The following ASB6 variants were observed in gnomAD, a reference collection of about 807,000 sequenced individuals.
ASB6 encodes ankyrin repeat and SOCS box protein 6.
Under a neutral mutation model 28.6 loss-of-function variants are expected in ASB6, and 24 were observed. That is an observed-to-expected ratio of 0.84 (90% CI 0.61 to 1.18). The LOEUF is 1.18. ASB6 is among the 50% of genes most tolerant of loss of function. ASB6 has a pLI of 0.00. For missense variants in ASB6, 519 were observed against 559.8 expected (o/e 0.93, Z 0.74); for synonymous variants, 267 against 243.4 (o/e 1.10, Z -0.90).
At chr9:129,638,512 G>A (rs1001318077) in intron 5 of ASB6, 55 bp from the exon 6 acceptor site, 63 of 1,608,848 alleles carry the variant, frequency 3.9e-5, no homozygotes, top group Non-Finnish European at 5.4e-5. Context: ...CCCTGGCAAA[G>A]CAACAGCACA....
chr9:129,639,637 T>C, intron 2 of ASB6, 129 bp from the exon 3 acceptor site: 1 of 813,682 alleles, frequency 1.2e-6, no homozygotes, highest in Non-Finnish European at 1.9e-6. Context: ...CCTGTCACCA[T>C]CAAGGGTTAG....
rs757735340 is a variant in ASB6 at position 129,639,274 on chromosome 9, C to A, written c.439G>T (p.Glu147Ter). 2 of 1,612,818 alleles carry A rather than the reference C, an allele frequency of 1.2e-6. No homozygotes were observed. The highest frequency in any genetic ancestry group is 2.7e-5 in the African/African-American group (2 of 74,926). Residue 147 changes from glutamate (E) to a stop codon, truncating the protein, a stop_gained, in exon 4 of 6, where the codon GAG becomes TAG. Transcript: ENST00000277458. LOFTEE classifies it high-confidence loss of function. ...ESSPLDLASE[E>*]PERLPCLQRL... is the part of the protein sequence containing the mutation. ...TGCAGGCAGGGCAGGCGCTCAGGCT[C>A]CTCGCTGGCCAGGTCCAAGGGGCTA...
chr9:129,637,377 C>T lies in ASB6; in HGVS notation c.*413G>A, dbSNP rs986978696. On this transcript the variant is annotated 3_prime_UTR_variant, in exon 6 of 6. Coordinates refer to ENST00000277458, the MANE Select transcript of ASB6 (RefSeq NM_017873.4). The stretch of plus-strand genomic sequence containing the variant: ...GGCAGGGGTGGGGCCTTGGTGGCAC[C>T]GCACAGGACGTGCCCCAGGCTTCCT... 2.3e-4 allele frequency: 36 copies of T among 159,964 alleles called. 1 individual carries two copies. In the Admixed American group the frequency reaches 2.3e-3, roughly 10 times the overall value. 9.9% of individuals were successfully genotyped at this position (159,964 alleles called of 1,614,324 possible).
Position 129,635,431 on chromosome 9 carries a change from G to A in ASB6, c.*2359C>T. The A allele has an allele frequency of 6.2e-7, 1 of 1,613,376 alleles. No homozygotes were observed. The highest frequency in any genetic ancestry group is 8.5e-7 in the Non-Finnish European group (1 of 1,180,016). ...AGAGGCAGGAGAACCTCCCCGATGAGATCTACCATGTCTATAGCTTTGCCC... is the reference window on the plus strand; with the variant it reads ...AGAGGCAGGAGAACCTCCCCGATGAAATCTACCATGTCTATAGCTTTGCCC... On this transcript the variant is annotated 3_prime_UTR_variant, in exon 6 of 6. Coordinates refer to ENST00000277458, the MANE Select transcript of ASB6 (RefSeq NM_017873.4).
In ASB6 at chr9:129,639,471, G is replaced by T. The variant is rs772570376; in HGVS notation, c.333C>A (p.Val111=). Residue 111 remains valine (V), a synonymous_variant, in exon 3 of 6, where the codon GTC becomes GTA. Transcript: ENST00000277458. ...CCACCATGTCCGGCTGGTTCCGCAG[G>T]ACGGCGATGTGCAAGGCCGTGTAGT... The part of the protein sequence containing the change: ...VTYYTALHIA[V]LRNQPDMVEL... 1 of 1,613,870 alleles carries T rather than the reference G, an allele frequency of 6.2e-7. No individual in the cohort carries two copies. Among genetic ancestry groups the T allele is most frequent in the South Asian group, 1.1e-5 (1 of 91,052 alleles).
In ASB6 at chr9:129,635,189, T is replaced by G. The variant is rs1831463487; in HGVS notation, c.*2601A>C. On this transcript the variant is annotated 3_prime_UTR_variant, in exon 6 of 6. Transcript: ENST00000277458. Reference sequence around the variant, plus strand: ...CCGCTTGCATGGTGCCCTGGTAACCTTGCCTCTGCCCTCCCCAGGCCACCT... The same window carrying G: ...CCGCTTGCATGGTGCCCTGGTAACCGTGCCTCTGCCCTCCCCAGGCCACCT... 6 of 1,598,136 alleles carry G rather than the reference T, an allele frequency of 3.8e-6. No homozygotes were observed. The highest frequency in any genetic ancestry group is 3.3e-5 in the Admixed American group (2 of 59,784).
intron 1 of ASB6, 171 bp from the exon 2 acceptor site, chr9:129,640,893 T>C: frequency 2.6e-6 from 2 of 756,494 alleles, no homozygotes; most frequent in South Asian, 3.5e-5. Flanking sequence ...CCACGCTGCA[T>C]CTCTTAATAC....
In ASB6 at chr9:129,637,841, C is replaced by G. The variant is rs1275588834; in HGVS notation, c.1215G>C (p.Leu405=). 1.3e-6 allele frequency: 2 copies of G among 1,525,590 alleles called. No homozygotes were observed. Among genetic ancestry groups the G allele is most frequent in the Non-Finnish European group, 1.8e-6 (2 of 1,137,332 alleles). The allele number at this position is 1,525,590 out of a possible 1,614,324, so 94.5% of individuals were successfully genotyped here. A position where few individuals can be genotyped will look rare whatever the true frequency, so the allele number is the denominator to read the frequency against. The change falls in exon 6 of 6, where the codon CTG becomes CTC. Residue 405 remains leucine, a synonymous_variant. Coordinates refer to ENST00000277458, the MANE Select transcript of ASB6 (RefSeq NM_017873.4). ...TGTGCTCGCTAAGGAGGTACCACTT[C>G]AGCCTGTCGGGCAGAGGCAGGGCTT... The part of the protein sequence containing the change: ...KVKALPLPDR[L]KWYLLSEHSG...
intron 2 of ASB6, among the ~76,000 whole-genome samples, chr9:129,639,859 G>T (rs929447189): frequency 1.3e-5 from 2 of 152,212 alleles, no homozygotes; most frequent in Non-Finnish European, 2.9e-5. Flanking sequence ...TCTCCAAGCT[G>T]GTCTCCAAGT....
rs1480666486 is a variant in ASB6, at chr9:129,635,015, C to A, written c.*2775G>T. On this transcript the variant is annotated 3_prime_UTR_variant, in exon 6 of 6. Transcript: ENST00000277458. The stretch of plus-strand genomic sequence containing the variant: ...CTTAATGTGTCTTTAGGTAGATGAC[C>A]TCTGAGCCACAGTTTCCTATTCTAT... 1.5e-6 allele frequency: 1 copy of A among 659,576 alleles called. No homozygotes were observed. The highest frequency in any genetic ancestry group is 1.8e-5 in the African/African-American group (1 of 55,130). 40.9% of individuals were successfully genotyped at this position (659,576 alleles called of 1,614,324 possible).
In ASB6 at chr9:129,637,753, G is replaced by A. The variant is rs1415729166; in HGVS notation, c.*37C>T. The A allele has an allele frequency of 6.8e-7, 1 of 1,480,650 alleles. No individual in the cohort carries two copies. Among genetic ancestry groups the A allele is most frequent in the Non-Finnish European group, 9.0e-7 (1 of 1,107,856 alleles). The allele number at this position is 1,480,650 out of a possible 1,614,324, so 91.7% of individuals were successfully genotyped here. On this transcript the variant is annotated 3_prime_UTR_variant, in exon 6 of 6. Coordinates refer to ENST00000277458, the MANE Select transcript of ASB6 (RefSeq NM_017873.4). ...AGCATCTACCAACAGGCTGACCTGA[G>A]CTGCCCGTGTCCCCCGTTCCTGTAG...
Position 129,639,522 on chromosome 9 carries a change from C to T in ASB6, c.296-14G>A, listed in dbSNP as rs749030928. The T allele has an allele frequency of 6.8e-6, 11 of 1,606,602 alleles. No homozygotes were observed. Among genetic ancestry groups the T allele is most frequent in the Non-Finnish European group, 8.5e-6 (10 of 1,174,876 alleles). On this transcript the variant is annotated splice_polypyrimidine_tract_variant and intron_variant, in intron 2 of 5. Transcript: ENST00000277458. ...AGGTGACTGGGTCTGAAGGTGCAGA[C>T]ACAGCTCATGTGGGTCCTATCTGTC... is the stretch of plus-strand genomic sequence containing the variant.
In ASB6 at chr9:129,635,216, A is replaced by C. The variant is rs955586777; in HGVS notation, c.*2574T>G. 1.2e-6 allele frequency: 2 copies of C among 1,608,810 alleles called. No homozygotes were observed. The highest frequency in any genetic ancestry group is 1.7e-6 in the Non-Finnish European group (2 of 1,179,606). Reference sequence around the variant, plus strand: ...GCCTCTGCCCTCCCCAGGCCACCTCACCGATCAGCACCTGGCCGAGTTCCT... The same window carrying C: ...GCCTCTGCCCTCCCCAGGCCACCTCCCCGATCAGCACCTGGCCGAGTTCCT... On this transcript the variant is annotated 3_prime_UTR_variant, in exon 6 of 6. Coordinates refer to ENST00000277458, the MANE Select transcript of ASB6 (RefSeq NM_017873.4).
Position 129,638,434 on chromosome 9 carries a change from T to G in ASB6, c.622A>C (p.Lys208Gln), listed in dbSNP as rs752699214. Reference sequence around the variant, plus strand: ...CAGGTGAACACTGTGTCCCCATCTTTGGTGGTGGCCTTGACGTCTGCCCCT... The same window carrying G: ...CAGGTGAACACTGTGTCCCCATCTTGGGTGGTGGCCTTGACGTCTGCCCCT... ...EGGADVKATT[K>Q]DGDTVFTCII... Residue 208 changes from lysine (K) to glutamine (Q), a missense_variant, in exon 6 of 6, where the codon AAA (lysine) becomes CAA (glutamine). Physicochemically the swap from Lys to Gln is moderately conservative, Grantham distance 53 (BLOSUM62 1). Coordinates refer to ENST00000277458, the MANE Select transcript of ASB6 (RefSeq NM_017873.4). 76 of 1,611,318 alleles carry G rather than the reference T, an allele frequency of 4.7e-5. No individual in the cohort carries two copies. The highest frequency in any genetic ancestry group is 1.7e-4 in the Admixed American group (10 of 59,920).
In ASB6 at chr9:129,640,656, G is replaced by A. The variant is rs1463213826; in HGVS notation, c.180C>T (p.Ala60=). The change falls in exon 2 of 6, where the codon GCC becomes GCT. Residue 60 remains alanine, a synonymous_variant. Transcript: ENST00000277458. The part of the protein sequence containing the change: ...LVLTELLERK[A]HSPFYQEGVS... ...CGCCTTCCTGGTAAAAGGGAGAGTG[G>A]GCTTTCCTCTCCAGCAGCTCAGTGA... 6.2e-7 allele frequency: 1 copy of A among 1,614,152 alleles called. No individual in the cohort carries two copies. The highest frequency in any genetic ancestry group is 1.1e-5 in the South Asian group (1 of 91,082).
At position 129,642,119 on chromosome 9, in the gene ASB6, G is replaced by A; in HGVS notation, c.-120C>T. 2 of 1,343,370 alleles carry A rather than the reference G, an allele frequency of 1.5e-6. No individual in the cohort carries two copies. The highest frequency in any genetic ancestry group is 1.9e-6 in the Non-Finnish European group (2 of 1,048,292). 83.2% of individuals were successfully genotyped at this position (1,343,370 alleles called of 1,614,324 possible). A position where few individuals can be genotyped will look rare whatever the true frequency, so the allele number is the denominator to read the frequency against. ...CCTGCTCCGCCAGTCCAGCCCCTGC[G>A]CCCGGCCGGGTCCGCTCCTCAGTCC... is the stretch of plus-strand genomic sequence containing the variant. On this transcript the variant is annotated 5_prime_UTR_variant, in exon 1 of 6. Transcript: ENST00000277458. The surrounding 1 kb of genome is among the most constrained non-coding windows in gnomAD (Gnocchi z 4.3).
chr9:129,634,942 T>G lies in ASB6; in HGVS notation c.*2848A>C. ...GGCAGGGGTGGGGCATCATGGTGTG[T>G]AGGTATCAGGCAGGACTTGTAAGCC... On this transcript the variant is annotated 3_prime_UTR_variant, in exon 6 of 6. Transcript: ENST00000277458. The G allele has an allele frequency of 2.1e-6, 1 of 481,238 alleles. No individual in the cohort carries two copies. Among genetic ancestry groups the G allele is most frequent in the Non-Finnish European group, 3.7e-6 (1 of 267,090 alleles). 29.8% of individuals were successfully genotyped at this position (481,238 alleles called of 1,614,324 possible).
chr9:129,639,149 C>T (rs1564355011), intron 4 of ASB6, 53 bp downstream of exon 4: 20 of 1,532,760 alleles, frequency 1.3e-5, no homozygotes, highest in Non-Finnish European at 1.8e-5. Context: ...TGGGTGTCCC[C>T]CACAAGGTGC....
rs374520063 is a variant in ASB6 at position 129,638,377 on chromosome 9, C to T, written c.679G>A (p.Gly227Arg). Residue 227 changes from glycine to arginine, a missense_variant, in exon 6 of 6, where the codon GGG (glycine) becomes AGG (arginine). Transcript: ENST00000277458. ...IIFLLGETVG[G>R]DKEEAQMINR... ...ATCATCTGGGCCTCCTCTTTGTCCC[C>T]TCCCACGGTCTCACCAAGCAGGAAG... The T allele has an allele frequency of 1.2e-6, 2 of 1,613,570 alleles. No individual in the cohort carries two copies. Among genetic ancestry groups the T allele is most frequent in the Non-Finnish European group, 1.7e-6 (2 of 1,180,032 alleles).
Sources: allele counts gnomAD v4.1 joint callset (sites outside exome capture counted in the v4.1 genomes callset), GRCh38; gene constraint gnomAD v4.1.1; non-coding constraint Gnocchi (gnomAD v3.1); transcripts MANE v1.5; gene names NCBI Gene and HGNC (gene_info 2026-07-23, HGNC 2026-07-21).